Variants in KLHL26 observed in about 807,000 individuals in gnomAD.
KLHL26 encodes kelch-like protein 26.
A neutral mutation model predicts 7.1 loss-of-function variants in KLHL26; 4 were observed. The observed-to-expected ratio is 0.56, with a 90% CI of 0.28 to 1.28. The LOEUF (loss-of-function observed/expected upper bound fraction) is 1.28. KLHL26 is among the 50% of genes most tolerant of loss of function. The pLI, the probability that KLHL26 is intolerant of heterozygous loss-of-function variation, is 0.11. For synonymous variants in KLHL26, 465 were observed against 414.1 expected (o/e 1.12, Z -1.49); for missense variants, 896 against 924.6 (o/e 0.97, Z 0.40).
rs1226633196 is a variant in KLHL26 at position 18,648,200 on chromosome 19, C to T, written c.83+11063C>T. Among the ~76,000 whole-genome samples the T allele has an allele frequency of 6.6e-6, 1 of 152,166 alleles. No individual in the cohort carries two copies. The highest frequency in any genetic ancestry group is 1.5e-5 in the Non-Finnish European group (1 of 68,030). ...CCTGGGCAACATAGTGAGATCCAGT[C>T]TCTACTAAAAATACACAAAACTAGC... On this transcript the variant is annotated intron_variant, in intron 1 of 2. Coordinates refer to ENST00000300976, the MANE Select transcript of KLHL26 (RefSeq NM_018316.3). The surrounding 1 kb of genome is among the most constrained non-coding windows in gnomAD (Gnocchi z 4.9).
intron 1 of KLHL26, among the ~76,000 whole-genome samples, chr19:18,660,935 G>A (rs1367767689): frequency 6.6e-6 from 1 of 152,208 alleles, no homozygotes; most frequent in Non-Finnish European, 1.5e-5. Context: ...CCTGTGCCCT[G>A]TAACCAGCAG....
In KLHL26 at chr19:18,648,514, G is replaced by A. The variant is rs1976845427; in HGVS notation, c.83+11377G>A. ...TGCCCTCCCCACCGGGCAGGCTGAA[G>A]GTCAGGGTTGTCCTTGGTCCCGCGC... is the stretch of plus-strand genomic sequence containing the variant. On this transcript the variant is annotated intron_variant, in intron 1 of 2. Coordinates refer to ENST00000300976, the MANE Select transcript of KLHL26 (RefSeq NM_018316.3). The surrounding 1 kb of genome is among the most constrained non-coding windows in gnomAD (Gnocchi z 4.9). Among the ~76,000 whole-genome samples the A allele has an allele frequency of 6.6e-6, 1 of 152,234 alleles. No homozygotes were observed. The highest frequency in any genetic ancestry group is 6.5e-5 in the Admixed American group (1 of 15,292).
chr19:18,662,718 G>A (rs1211806605), intron 1 of KLHL26, among the ~76,000 whole-genome samples: 1 of 152,152 alleles, frequency 6.6e-6, no homozygotes, highest in Non-Finnish European at 1.5e-5. Context: ...CTGGATAGGG[G>A]AGAGCGGCCC....
rs374183699 is a variant in KLHL26 at position 18,649,819 on chromosome 19, C to T, written c.83+12682C>T. Among the ~76,000 whole-genome samples, 1 of 152,196 alleles carries T rather than the reference C, an allele frequency of 6.6e-6. No individual in the cohort carries two copies. The highest frequency in any genetic ancestry group is 1.5e-5 in the Non-Finnish European group (1 of 68,024). On this transcript the variant is annotated intron_variant, in intron 1 of 2. Coordinates refer to ENST00000300976, the MANE Select transcript of KLHL26 (RefSeq NM_018316.3). The surrounding 1 kb of genome is among the most constrained non-coding windows in gnomAD (Gnocchi z 4.0). ...AGGGCCGCACAGAATTCACAGGACT[C>T]GTCTCCAACGGCTGCGCCAGCAATT...
At chr19:18,662,063 G>C (rs1436461644) in intron 1 of KLHL26, among the ~76,000 whole-genome samples, 1 of 152,138 alleles carries the variant, frequency 6.6e-6, no homozygotes, top group African/African-American at 2.4e-5. Context: ...TTGATTTCTT[G>C]ATGCTCTTTA....
In KLHL26 at chr19:18,637,111, G is replaced by A. The variant is rs1427783500; in HGVS notation, c.57G>A (p.Ala19=). Reference sequence around the variant, plus strand: ...CTGGTGGCGGCGGCGCTTTCGGCGCGGGCCCGGGCCCCGAGCGCCCGAACA... The same window carrying A: ...CTGGTGGCGGCGGCGCTTTCGGCGCAGGCCCGGGCCCCGAGCGCCCGAACA... ...GGAGGGGAFG[A]GPGPERPNST... Residue 19 remains alanine, a synonymous_variant, in exon 1 of 3, where the codon GCG becomes GCA. Coordinates refer to ENST00000300976, the MANE Select transcript of KLHL26 (RefSeq NM_018316.3). 7 of 1,364,420 alleles carry A rather than the reference G, an allele frequency of 5.1e-6. No homozygotes were observed. Among genetic ancestry groups the A allele is most frequent in the Non-Finnish European group, 6.6e-6 (7 of 1,059,440 alleles). 84.5% of individuals were successfully genotyped at this position (1,364,420 alleles called of 1,614,324 possible). A position where few individuals can be genotyped will look rare whatever the true frequency, so the allele number is the denominator to read the frequency against.
At chr19:18,654,642 C>T (rs1007974774) in intron 1 of KLHL26, among the ~76,000 whole-genome samples, 12 of 151,658 alleles carry the variant, frequency 7.9e-5, no homozygotes, top group African/African-American at 2.7e-4. Context: ...CTCACCTATA[C>T]ATCCACGCAC....
intron 1 of KLHL26, among the ~76,000 whole-genome samples, chr19:18,638,899 C>T (rs965798934): frequency 6.6e-6 from 1 of 151,930 alleles, no homozygotes; most frequent in African/African-American, 2.4e-5. Flanking sequence ...CCAGGTCTTG[C>T]TCTGTTGCCA....
At position 18,669,431 on chromosome 19, in the gene KLHL26, G is replaced by A. The variant is rs2052502675; in HGVS notation, c.*186G>A. 2 of 595,696 alleles carry A rather than the reference G, an allele frequency of 3.4e-6. No homozygotes were observed. Among genetic ancestry groups the A allele is most frequent in the East Asian group, 5.7e-5 (2 of 35,260 alleles). 36.9% of individuals were successfully genotyped at this position (595,696 alleles called of 1,614,324 possible). A position where few individuals can be genotyped will look rare whatever the true frequency, so the allele number is the denominator to read the frequency against. ...CTCCTTCCCAAAGCAGATCCTGGCT[G>A]CGAGTCCATCCGAGGGAGCCTGCCG... is the stretch of plus-strand genomic sequence containing the variant. On this transcript the variant is annotated 3_prime_UTR_variant, in exon 3 of 3. Coordinates refer to ENST00000300976, the MANE Select transcript of KLHL26 (RefSeq NM_018316.3).
chr19:18,652,090 C>T (rs2052265359), intron 1 of KLHL26, among the ~76,000 whole-genome samples: 1 of 152,104 alleles, frequency 6.6e-6, no homozygotes, highest in African/African-American at 2.4e-5. Flanking sequence ...TGCTGGTGGG[C>T]TCAGGAGTGT....
chr19:18,668,899 A>G lies in KLHL26; in HGVS notation c.1502A>G (p.His501Arg), dbSNP rs1241734625. Residue 501 changes from histidine to arginine, a missense_variant, in exon 3 of 3, where the codon CAC becomes CGC. Coordinates refer to ENST00000300976, the MANE Select transcript of KLHL26 (RefSeq NM_018316.3). The part of the protein sequence containing the change: ...KAPMSEPRVL[H>R]AMVGAGGRIY... ...CCCATGAGCGAACCCCGCGTGCTACACGCCATGGTGGGTGCCGGCGGCCGC... is the reference window on the plus strand; with the variant it reads ...CCCATGAGCGAACCCCGCGTGCTACGCGCCATGGTGGGTGCCGGCGGCCGC... 1.2e-6 allele frequency: 2 copies of G among 1,602,906 alleles called. No individual in the cohort carries two copies. Among genetic ancestry groups the G allele is most frequent in the Non-Finnish European group, 1.7e-6 (2 of 1,179,200 alleles).
In KLHL26 at chr19:18,654,004, C is replaced by T. The variant is rs145555023; in HGVS notation, c.84-10257C>T. Among the ~76,000 whole-genome samples the T allele has an allele frequency of 2.0e-3, 239 of 118,082 alleles. 2 individuals carry two copies. In the Middle Eastern group the frequency reaches 0.033, roughly 16 times the overall value. 77.5% of individuals were successfully genotyped at this position (118,082 alleles called of 152,430 possible). Reference sequence around the variant, plus strand: ...CCACGCTTCCATCAGTCCACTCTTCCATCCACCCACCCTTCCATCCATCCA... The same window carrying T: ...CCACGCTTCCATCAGTCCACTCTTCTATCCACCCACCCTTCCATCCATCCA... On this transcript the variant is annotated intron_variant, in intron 1 of 2. Coordinates refer to ENST00000300976, the MANE Select transcript of KLHL26 (RefSeq NM_018316.3).
rs1405601253 is a variant in KLHL26, at chr19:18,666,017, C to A, written c.266+1574C>A. Among the ~76,000 whole-genome samples, 7 of 152,252 alleles carry A rather than the reference C, an allele frequency of 4.6e-5. No individual in the cohort carries two copies. In the East Asian group the frequency reaches 1.2e-3, roughly 25 times the overall value. ...GGGTGGGCCAGCCCAGCCAGCAATGCCCTTTAAAGGCTCCCCTGTGCTGGC... is the reference window on the plus strand; with the variant it reads ...GGGTGGGCCAGCCCAGCCAGCAATGACCTTTAAAGGCTCCCCTGTGCTGGC... On this transcript the variant is annotated intron_variant, in intron 2 of 2. Transcript: ENST00000300976.
chr19:18,662,982 G>C lies in KLHL26; in HGVS notation c.84-1279G>C, dbSNP rs928259010. Among the ~76,000 whole-genome samples, 3 of 152,212 alleles carry C rather than the reference G, an allele frequency of 2.0e-5. No individual in the cohort carries two copies. In the East Asian group the frequency reaches 5.8e-4, roughly 29 times the overall value. ...CCCTGCCCTCCTCAGCTTTCAAAAG[G>C]CTGCACCCCCACCCTCCCAGGCAAA... On this transcript the variant is annotated intron_variant, in intron 1 of 2. Transcript: ENST00000300976.
chr19:18,637,270 T>G, intron 1 of KLHL26, 133 bp downstream of exon 1: 2 of 1,002,340 alleles, frequency 2.0e-6, no homozygotes, highest in Non-Finnish European at 2.6e-6. Context: ...AATTTGGACT[T>G]TACGGGGCCG....
At position 18,648,810 on chromosome 19, in the gene KLHL26, G is replaced by A. The variant is rs1051554461; in HGVS notation, c.83+11673G>A. On this transcript the variant is annotated intron_variant, in intron 1 of 2. Transcript: ENST00000300976. This position sits in a 1 kb window ranked among gnomAD's most constrained non-coding sequence, Gnocchi z 4.9. ...CATCTCTTGTGGGTTCCACCTTCGA[G>A]CCACAGCCTGGAGCCAGCTCCTCCT... Among the ~76,000 whole-genome samples, 1 of 152,042 alleles carries A rather than the reference G, an allele frequency of 6.6e-6. No individual in the cohort carries two copies. Among genetic ancestry groups the A allele is most frequent in the Non-Finnish European group, 1.5e-5 (1 of 67,998 alleles).
intron 2 of KLHL26, among the ~76,000 whole-genome samples, chr19:18,667,043 C>T (rs911646074): frequency 1.3e-5 from 2 of 152,170 alleles, no homozygotes; most frequent in Non-Finnish European, 2.9e-5. Context: ...AGCTCCAACA[C>T]GATCTAGTCA....
In KLHL26 at chr19:18,649,111, G is replaced by A. The variant is rs1976855309; in HGVS notation, c.83+11974G>A. 6.6e-6 allele frequency among the ~76,000 whole-genome samples: 1 copy of A among 152,206 alleles called. No homozygotes were observed. Among genetic ancestry groups the A allele is most frequent in the African/African-American group, 2.4e-5 (1 of 41,456 alleles). On this transcript the variant is annotated intron_variant, in intron 1 of 2. Coordinates refer to ENST00000300976, the MANE Select transcript of KLHL26 (RefSeq NM_018316.3). The surrounding 1 kb of genome is among the most constrained non-coding windows in gnomAD (Gnocchi z 4.0). ...TCCCAGTGATTTGCACGGCTCAAGT[G>A]TTGTCTCCTCGGGGCCTGGCCACTG...
Position 18,650,735 on chromosome 19 carries a change from T to C in KLHL26, c.84-13526T>C, listed in dbSNP as rs2052244003. On this transcript the variant is annotated intron_variant, in intron 1 of 2. Coordinates refer to ENST00000300976, the MANE Select transcript of KLHL26 (RefSeq NM_018316.3). This position sits in a 1 kb window ranked among gnomAD's most constrained non-coding sequence, Gnocchi z 4.2. Reference sequence around the variant, plus strand: ...TGTTAGCATTTAGAGTTGCTGAACTTTCGCATTGGTCAGGGGCGCGGGCAG... The same window carrying C: ...TGTTAGCATTTAGAGTTGCTGAACTCTCGCATTGGTCAGGGGCGCGGGCAG... 1.3e-5 allele frequency among the ~76,000 whole-genome samples: 2 copies of C among 152,226 alleles called. No homozygotes were observed. Among genetic ancestry groups the C allele is most frequent in the African/African-American group, 2.4e-5 (1 of 41,452 alleles).
Sources: gnomAD v4.1 joint callset for allele counts (sites outside exome capture counted in the v4.1 genomes callset) on GRCh38, gnomAD v4.1.1 for gene constraint, Gnocchi (gnomAD v3.1) non-coding constraint, MANE v1.5 for transcripts, NCBI Gene and HGNC (gene_info 2026-07-23, HGNC 2026-07-21) for gene names.